LGR6: variants seen among roughly 807,000 people sequenced by gnomAD.
LGR6 encodes the protein leucine rich repeat containing G protein-coupled receptor 6.
LGR6 carries 45 observed loss-of-function variants against 69.4 expected under a neutral mutation model. The observed-to-expected ratio is 0.65, with a 90% CI of 0.51 to 0.83. The LOEUF (loss-of-function observed/expected upper bound fraction) is 0.83, where lower values mean the gene tolerates loss of function less well. LGR6 is among the 40% of genes least tolerant of loss of function. LGR6 has a pLI of 0.00. For synonymous variants in LGR6, 538 were observed against 555.0 expected, an observed-to-expected ratio of 0.97 and a Z score of 0.43; for missense variants, 1,108 against 1,246.7, an observed-to-expected ratio of 0.89 and a Z score of 1.68.
chr1:202,257,034 T>A (rs1402564283), intron 4 of LGR6, among the ~76,000 whole-genome samples: 1 of 152,240 alleles, frequency 6.6e-6, no homozygotes, highest in East Asian at 1.9e-4. Flanking sequence ...TCTATTTAGA[T>A]CCCTTGCCTA....
At chr1:202,306,699 G>A (rs553530913) in intron 12 of LGR6, 169 bp from the exon 13 acceptor site, 18 of 685,402 alleles carry the variant, frequency 2.6e-5, no homozygotes, top group Middle Eastern at 3.7e-4. Flanking sequence ...CAAGGCAACC[G>A]GATCCCCTTG....
chr1:202,239,614 TG>T (rs1275217357), intron 4 of LGR6, among the ~76,000 whole-genome samples: 1 of 151,936 alleles, frequency 6.6e-6, no homozygotes, highest in Non-Finnish European at 1.5e-5. Flanking sequence ...GGGAAGTCAG[TG>T]AAGAGGCTCC....
At chr1:202,276,223 G>A in intron 4 of LGR6, 83 bp from the exon 5 acceptor site, 1 of 1,150,430 alleles carries the variant, frequency 8.7e-7, no homozygotes, top group Non-Finnish European at 1.3e-6. Context: ...GCCCTGTTGA[G>A]GGCCTGGCTG....
At chr1:202,297,647 GC>G in intron 7 of LGR6, 71 bp downstream of exon 7, 1 of 1,257,410 alleles carries the variant, frequency 8.0e-7, no homozygotes, top group Non-Finnish European at 1.1e-6. Flanking sequence ...AGCCTGAGCT[GC>G]CTCATGCTCT....
intron 4 of LGR6, among the ~76,000 whole-genome samples, chr1:202,263,987 C>T (rs956453174): frequency 2.0e-5 from 3 of 151,938 alleles, no homozygotes; most frequent in South Asian, 4.2e-4. Flanking sequence ...AGATTCCAAC[C>T]GTGGGGATGA....
rs1446336430 is a variant in LGR6 at position 202,235,983 on chromosome 1, C to T, written c.418C>T (p.Leu140=). The T allele has an allele frequency of 1.9e-6, 3 of 1,613,828 alleles. No individual in the cohort carries two copies. The highest frequency in any genetic ancestry group is 1.7e-5 in the Admixed American group (1 of 60,030). ...AGAGGCGCTGTGGGAGCTGCCGAGCCTGCAGTCGCTGTGAGTCATTAGAGG... is the reference window on the plus strand; with the variant it reads ...AGAGGCGCTGTGGGAGCTGCCGAGCTTGCAGTCGCTGTGAGTCATTAGAGG... ...PAEALWELPS[L]QSLRLDANLI... The change falls in exon 4 of 18, where the codon CTG becomes TTG. Residue 140 remains leucine (L), a synonymous_variant. Transcript: ENST00000367278.
At chr1:202,304,344 A>C (rs1667820477) in intron 10 of LGR6, among the ~76,000 whole-genome samples, 2 of 151,788 alleles carry the variant, frequency 1.3e-5, no homozygotes, top group Non-Finnish European at 2.9e-5. Flanking sequence ...CCCCTCCCCC[A>C]GCTCCTCTAG....
At chr1:202,260,946 A>G (rs1664182987) in intron 4 of LGR6, among the ~76,000 whole-genome samples, 1 of 152,112 alleles carries the variant, frequency 6.6e-6, no homozygotes, top group Admixed American at 6.5e-5. Context: ...GAATGCTTAC[A>G]AGATTTTTTT....
intron 3 of LGR6, 99 bp downstream of exon 3, chr1:202,228,106 G>T (rs1660711858): frequency 2.7e-6 from 2 of 746,516 alleles, no homozygotes; most frequent in Non-Finnish European, 2.3e-6. Context: ...CCACTGACTT[G>T]CTTATTATTT....
intron 1 of LGR6, among the ~76,000 whole-genome samples, chr1:202,218,747 C>T (rs886825248): frequency 2.0e-5 from 3 of 152,152 alleles, no homozygotes; most frequent in Admixed American, 6.5e-5. Context: ...TCATTCTGCC[C>T]GGGAAGCCTT....
At position 202,253,731 on chromosome 1, in the gene LGR6, C is replaced by T. The variant is rs1430050047; in HGVS notation, c.428+17738C>T. Among the ~76,000 whole-genome samples the T allele has an allele frequency of 4.9e-5, 7 of 143,618 alleles. No homozygotes were observed. In the South Asian group the frequency reaches 6.7e-4, roughly 14 times the overall value. The allele number at this position is 143,618 out of a possible 152,430, so 94.2% of individuals were successfully genotyped here. A position where few individuals can be genotyped will look rare whatever the true frequency, so the allele number is the denominator to read the frequency against. ...GCAACCTCCGCCTCCTGGGTTCAAG[C>T]GATTCTCCTGCCTCAGCCTCCCGAG... is the stretch of plus-strand genomic sequence containing the variant. On this transcript the variant is annotated intron_variant, in intron 4 of 17. Coordinates refer to ENST00000367278, the MANE Select transcript of LGR6 (RefSeq NM_001017403.2).
chr1:202,293,175 T>C (rs1666914412), intron 6 of LGR6, among the ~76,000 whole-genome samples: 1 of 152,210 alleles, frequency 6.6e-6, no homozygotes, highest in Admixed American at 6.5e-5. Flanking sequence ...ATAAGAAGTG[T>C]ATAGCAGTCC....
intron 1 of LGR6, among the ~76,000 whole-genome samples, chr1:202,219,918 C>A (rs1660036423): frequency 6.6e-6 from 1 of 152,008 alleles, no homozygotes; most frequent in Non-Finnish European, 1.5e-5. Flanking sequence ...TCTTGTTGCC[C>A]AGGCTGGGGT....
At chr1:202,254,368 G>A (rs967978678) in intron 4 of LGR6, among the ~76,000 whole-genome samples, 14 of 152,224 alleles carry the variant, frequency 9.2e-5, no homozygotes, top group African/African-American at 3.4e-4. Context: ...TGAGGAGCTG[G>A]AGTAGGATAG....
At chr1:202,205,969 A>AACACAC (rs10522754) in intron 1 of LGR6, among the ~76,000 whole-genome samples, 1,728 of 149,090 alleles carry the variant, frequency 0.012, 18 homozygotes, top group East Asian at 0.035. Flanking sequence ...ACAGACACAC[A>AACACAC]ACACACACAC....
At chr1:202,258,572 A>G (rs1445794103) in intron 4 of LGR6, among the ~76,000 whole-genome samples, 1 of 151,578 alleles carries the variant, frequency 6.6e-6, no homozygotes, top group African/African-American at 2.4e-5. Flanking sequence ...GTGTTTGTTT[A>G]TGAGCTTTCT....
chr1:202,193,973 G>C lies in LGR6; in HGVS notation c.-17G>C. 1 of 1,353,372 alleles carries C rather than the reference G, an allele frequency of 7.4e-7. No individual in the cohort carries two copies. The highest frequency in any genetic ancestry group is 9.5e-7 in the Non-Finnish European group (1 of 1,053,234). The allele number at this position is 1,353,372 out of a possible 1,614,324, so 83.8% of individuals were successfully genotyped here. On this transcript the variant is annotated 5_prime_UTR_variant, in exon 1 of 18. Coordinates refer to ENST00000367278, the MANE Select transcript of LGR6 (RefSeq NM_001017403.2). ...CCGCGCCCGGCCGCCAGGTGCCCCA[G>C]TAGCCCGACCGCCGAGATGCCCAGC... is the stretch of plus-strand genomic sequence containing the variant.
intron 3 of LGR6, among the ~76,000 whole-genome samples, chr1:202,231,601 C>T (rs1661078872): frequency 6.6e-6 from 1 of 152,020 alleles, no homozygotes; most frequent in African/African-American, 2.4e-5. Context: ...GTTTTCTCAC[C>T]TTTTAAAGTG....
At chr1:202,239,946 T>C (rs1662031820) in intron 4 of LGR6, among the ~76,000 whole-genome samples, 1 of 152,214 alleles carries the variant, frequency 6.6e-6, no homozygotes, top group Non-Finnish European at 1.5e-5. Context: ...ACTTCTACAA[T>C]GATCATTAGT....
Sources: gnomAD v4.1 joint callset for allele counts (sites outside exome capture counted in the v4.1 genomes callset) on GRCh38, gnomAD v4.1.1 for gene constraint, MANE v1.5 for transcripts, NCBI Gene and HGNC (gene_info 2026-07-23, HGNC 2026-07-21) for gene names.